Variants in SUGCT observed in about 807,000 individuals in gnomAD.
The protein encoded by SUGCT is succinyl-CoA:glutarate-CoA transferase.
SUGCT carries 41 observed loss-of-function variants against 55.0 expected under a neutral mutation model. The ratio of observed to expected loss-of-function variants is 0.74; its 90% CI spans 0.58 to 0.97. The LOEUF (loss-of-function observed/expected upper bound fraction) is 0.97. Ranked by LOEUF, SUGCT falls within the 50% of genes least tolerant of loss-of-function variation. The probability of loss-of-function intolerance (pLI) is 0.00; values close to 1 mark genes in which losing one functional copy is unlikely to be tolerated. For synonymous variants in SUGCT, 187 were observed against 200.4 expected (o/e 0.93, Z 0.56); for missense variants, 568 against 547.8 (o/e 1.04, Z -0.37).
chr7:40,238,071 G>A (rs1789127590), intron 7 of SUGCT, among the ~76,000 whole-genome samples: 1 of 152,096 alleles, frequency 6.6e-6, no homozygotes, highest in South Asian at 2.1e-4. Context: ...TGTGATTTAG[G>A]AATATTCCCT....
At chr7:40,909,006 T>A in the SUGCT span, among the ~76,000 whole-genome samples, 1 of 152,198 alleles carries the variant, frequency 6.6e-6, no homozygotes, top group Non-Finnish European at 1.5e-5. Flanking sequence ...CAGAATGGAA[T>A]ACTCTAAAAT....
downstream of SUGCT, among the ~76,000 whole-genome samples, chr7:40,863,385 C>G (rs1483436883): frequency 6.6e-6 from 1 of 152,182 alleles, no homozygotes; most frequent in African/African-American, 2.4e-5. Flanking sequence ...TATTTCACCA[C>G]TGACTCTTTT....
At chr7:40,316,422 C>T (rs895953016) in intron 8 of SUGCT, among the ~76,000 whole-genome samples, 38 of 152,186 alleles carry the variant, frequency 2.5e-4, no homozygotes, top group Admixed American at 2.0e-3. Flanking sequence ...AAAAAATGCA[C>T]GAGTTGCTGA....
chr7:40,275,536 A>G (rs919874316), intron 8 of SUGCT, among the ~76,000 whole-genome samples: 1 of 152,228 alleles, frequency 6.6e-6, no homozygotes, highest in Non-Finnish European at 1.5e-5. Flanking sequence ...GTGGTATTTC[A>G]TGGTATCTGT....
At chr7:40,769,307 A>G (rs555254097) in intron 13 of SUGCT, among the ~76,000 whole-genome samples, 1 of 152,184 alleles carries the variant, frequency 6.6e-6, no homozygotes, top group Non-Finnish European at 1.5e-5. Context: ...CGGGATTTTT[A>G]CCTGATTCCT....
intron 12 of SUGCT, among the ~76,000 whole-genome samples, chr7:40,695,165 ATTTTTATT>A (rs1332651219): frequency 1.5e-5 from 2 of 135,510 alleles, no homozygotes; most frequent in African/African-American, 5.6e-5. Context: ...CTAAACCCTT[ATTTTTATT>A]TATTTATTTA....
At chr7:40,317,643 G>T (rs1399579308) in intron 9 of SUGCT, among the ~76,000 whole-genome samples, 1 of 152,128 alleles carries the variant, frequency 6.6e-6, no homozygotes, top group East Asian at 1.9e-4. Flanking sequence ...AATTTTACTG[G>T]AGTCATTTCA....
In SUGCT at chr7:40,668,936, C is replaced by A. The variant is rs112039659; in HGVS notation, c.1090-80498C>A. ...GGTATAATGAGACACTCCAACCCCC[C>A]TGACAGGGTGTTCAGAGAAGGCCAA... On this transcript the variant is annotated intron_variant, in intron 12 of 13. Coordinates refer to ENST00000335693, the MANE Select transcript of SUGCT (RefSeq NM_001193313.2). Among the ~76,000 whole-genome samples, 245 of 152,294 alleles carry A rather than the reference C, an allele frequency of 1.6e-3. 1 individual carries two copies. Among genetic ancestry groups the A allele is most frequent in the African/African-American group, 5.7e-3 (238 of 41,574 alleles).
chr7:40,456,972 T>TA (rs1789523047), intron 10 of SUGCT, among the ~76,000 whole-genome samples: 1 of 152,194 alleles, frequency 6.6e-6, no homozygotes, highest in Admixed American at 6.5e-5. Context: ...ATAGGCATGT[T>TA]AAAACACTTG....
intron 9 of SUGCT, among the ~76,000 whole-genome samples, chr7:40,341,171 T>C (rs1356765140): frequency 6.6e-6 from 1 of 152,210 alleles, no homozygotes; most frequent in Non-Finnish European, 1.5e-5. Context: ...GACTGTTGAA[T>C]CTCATTCATA....
At chr7:40,914,231 T>G in the SUGCT span, among the ~76,000 whole-genome samples, 10 of 152,032 alleles carry the variant, frequency 6.6e-5, no homozygotes, top group South Asian at 1.9e-3. Flanking sequence ...TTACATTTCC[T>G]TTGTCACAGT....
At chr7:40,645,714 G>A (rs974461952) in intron 12 of SUGCT, among the ~76,000 whole-genome samples, 1 of 152,098 alleles carries the variant, frequency 6.6e-6, no homozygotes, top group African/African-American at 2.4e-5. Flanking sequence ...TATCAGTCTC[G>A]ATATCAAACA....
At chr7:40,517,051 T>C (rs1793275456) in intron 12 of SUGCT, among the ~76,000 whole-genome samples, 1 of 149,822 alleles carries the variant, frequency 6.7e-6, no homozygotes, top group South Asian at 2.1e-4. Flanking sequence ...ACTTCTTTAG[T>C]TAAATTTATA....
intron 9 of SUGCT, among the ~76,000 whole-genome samples, chr7:40,380,938 A>G (rs1784838840): frequency 6.6e-6 from 1 of 152,214 alleles, no homozygotes; most frequent in South Asian, 2.1e-4. Flanking sequence ...TTGATTTAAA[A>G]AATGAAATGC....
chr7:40,578,857 A>C (rs1394432292), intron 12 of SUGCT, among the ~76,000 whole-genome samples: 1 of 152,110 alleles, frequency 6.6e-6, no homozygotes, highest in Admixed American at 6.5e-5. Context: ...TTTCTTTTTC[A>C]TTTAATTCTG....
chr7:40,676,894 C>CGTGTGTGTGT lies in SUGCT; in HGVS notation c.1090-72508_1090-72499dup, dbSNP rs3221667. Among the ~76,000 whole-genome samples the CGTGTGTGTGT allele has an allele frequency of 2.3e-3, 337 of 144,052 alleles. 3 individuals carry two copies. In the Middle Eastern group the frequency reaches 0.028, roughly 12 times the overall value. 94.5% of individuals were successfully genotyped at this position (144,052 alleles called of 152,430 possible). A position where few individuals can be genotyped will look rare whatever the true frequency, so the allele number is the denominator to read the frequency against. On this transcript the variant is annotated intron_variant, in intron 12 of 13. Coordinates refer to ENST00000335693, the MANE Select transcript of SUGCT (RefSeq NM_001193313.2). ...ATACAAATGCAAACTTTCAGAATGA[C>CGTGTGTGTGT]GTGTGTGTGTGTGTGTGTGTGTGTG...
intron 9 of SUGCT, among the ~76,000 whole-genome samples, chr7:40,319,196 A>G (rs1320805955): frequency 6.6e-6 from 1 of 152,196 alleles, no homozygotes; most frequent in Admixed American, 6.5e-5. Context: ...TATCTATAAG[A>G]AATAAGAAAT....
rs551165535 is a variant in SUGCT at position 40,402,695 on chromosome 7, C to T, written c.817-46592C>T. Among the ~76,000 whole-genome samples the T allele has an allele frequency of 9.9e-4, 151 of 152,058 alleles. 1 individual carries two copies. The highest frequency in any genetic ancestry group is 3.4e-3 in the African/African-American group (141 of 41,518). ...ATCCATGTATGTATTTTAATAAGAG[C>T]TATATTAAATGGTTCTGGAAATCAA... On this transcript the variant is annotated intron_variant, in intron 9 of 13. Coordinates refer to ENST00000335693, the MANE Select transcript of SUGCT (RefSeq NM_001193313.2).
At chr7:40,919,180 G>T in the SUGCT span, among the ~76,000 whole-genome samples, 1 of 152,084 alleles carries the variant, frequency 6.6e-6, no homozygotes, top group Non-Finnish European at 1.5e-5. Context: ...ATTTATTTCT[G>T]TAGCCCTGAC....
Sources: allele counts gnomAD v4.1 joint callset (sites outside exome capture counted in the v4.1 genomes callset), GRCh38; gene constraint gnomAD v4.1.1; transcripts MANE v1.5; gene names NCBI Gene and HGNC (gene_info 2026-07-23, HGNC 2026-07-21).